PARD3B: variants seen among roughly 807,000 people sequenced by gnomAD.
The protein encoded by PARD3B is par-3 family cell polarity regulator beta, also known as partitioning defective 3 homolog B.
PARD3B carries 103 observed loss-of-function variants against 130.2 expected under a neutral mutation model. The observed-to-expected ratio is 0.79, with a 90% CI of 0.67 to 0.93. The LOEUF is 0.93. Among genes scored for constraint, PARD3B ranks in the 40% least tolerant of loss-of-function variants. PARD3B has a pLI of 0.00. For synonymous variants in PARD3B, 583 were observed against 553.2 expected (o/e 1.05, Z -0.76); for missense variants, 1,609 against 1,499.2 (o/e 1.07, Z -1.21).
At chr2:205,008,017 A>T (rs897548964) in intron 3 of PARD3B, among the ~76,000 whole-genome samples, 10 of 152,184 alleles carry the variant, frequency 6.6e-5, no homozygotes, top group Non-Finnish European at 1.3e-4. Context: ...ATAGCAGTAT[A>T]GCACTTTATT....
chr2:205,113,393 G>GTGTGT (rs1559450786), intron 5 of PARD3B, 98 bp from the exon 6 acceptor site: 103 of 571,676 alleles, frequency 1.8e-4, no homozygotes, highest in Middle Eastern at 7.0e-4. Context: ...CCTGAGCAGG[G>GTGTGT]GTGTGTGTGT....
rs115554228 is a variant in PARD3B at position 205,292,164 on chromosome 2, C to T, written c.2186-8366C>T. 8.3e-3 allele frequency among the ~76,000 whole-genome samples: 1,261 copies of T among 152,262 alleles called. 8 individuals carry two copies. The highest frequency in any genetic ancestry group is 0.013 in the Non-Finnish European group (895 of 68,010). On this transcript the variant is annotated intron_variant, in intron 16 of 22. Coordinates refer to ENST00000406610, the MANE Select transcript of PARD3B (RefSeq NM_001302769.2). The surrounding 1 kb of genome is among the most constrained non-coding windows in gnomAD (Gnocchi z 5.3). ...TCACAGAGGCTATCCCTCCCAAGGG[C>T]ACAGGCAGCAACTTTGGTGGCATCC... is the stretch of plus-strand genomic sequence containing the variant.
intron 1 of PARD3B, among the ~76,000 whole-genome samples, chr2:204,604,111 C>T (rs1016106046): frequency 6.6e-6 from 1 of 152,096 alleles, no homozygotes; most frequent in Admixed American, 6.6e-5. Flanking sequence ...TTACATTTGT[C>T]ATTAGTGACC....
intron 3 of PARD3B, among the ~76,000 whole-genome samples, chr2:205,007,381 C>T (rs937272033): frequency 5.3e-5 from 8 of 152,080 alleles, no homozygotes; most frequent in African/African-American, 1.7e-4. Flanking sequence ...TGAGAGATGG[C>T]GATCCAGATT....
At chr2:205,181,866 CAATG>C in intron 13 of PARD3B, among the ~76,000 whole-genome samples, 1 of 152,162 alleles carries the variant, frequency 6.6e-6, no homozygotes, top group East Asian at 1.9e-4. Context: ...CTCGTACACT[CAATG>C]AAATCCAGAA....
chr2:204,732,303 T>C (rs79664505), intron 2 of PARD3B, among the ~76,000 whole-genome samples: 2,726 of 152,176 alleles, frequency 0.018, 98 homozygotes, highest in East Asian at 0.14. Flanking sequence ...AGATTGGACC[T>C]GGAGGGAGTG....
intron 3 of PARD3B, among the ~76,000 whole-genome samples, chr2:205,003,478 C>G (rs770963984): frequency 6.6e-6 from 1 of 152,070 alleles, no homozygotes; most frequent in Non-Finnish European, 1.5e-5. Flanking sequence ...TAGGGCTTCC[C>G]CCTGATGGTG....
rs568719415 is a variant in PARD3B at position 204,758,501 on chromosome 2, A to G, written c.222+72219A>G. 2.3e-3 allele frequency among the ~76,000 whole-genome samples: 349 copies of G among 152,322 alleles called. 1 individual carries two copies. Among genetic ancestry groups the G allele is most frequent in the Middle Eastern group, 0.014 (4 of 294 alleles). On this transcript the variant is annotated intron_variant, in intron 2 of 22. Transcript: ENST00000406610. ...TGTCTATGAATGTGATAATCAGAAT[A>G]TTTTAAAGCAGTGGCTCTCAACTTC...
chr2:204,834,894 T>C (rs1263006468), intron 2 of PARD3B, among the ~76,000 whole-genome samples: 9 of 152,212 alleles, frequency 5.9e-5, no homozygotes, highest in African/African-American at 2.2e-4. Flanking sequence ...CTAAGTACCC[T>C]GTTGATTGCA....
At chr2:204,741,204 T>A (rs1339040318) in intron 2 of PARD3B, among the ~76,000 whole-genome samples, 1 of 152,146 alleles carries the variant, frequency 6.6e-6, no homozygotes, top group Non-Finnish European at 1.5e-5. Flanking sequence ...GCAGAAAACA[T>A]TACTGATATA....
chr2:205,353,399 G>A (rs2041877), intron 18 of PARD3B, among the ~76,000 whole-genome samples: 90,364 of 151,958 alleles, frequency 0.59, 30,552 homozygotes, highest in South Asian at 0.77. Context: ...TAATCCCTAT[G>A]TTGCACTCCT....
intron 1 of PARD3B, among the ~76,000 whole-genome samples, chr2:204,561,669 C>T (rs922589299): frequency 6.7e-6 from 1 of 150,294 alleles, no homozygotes; most frequent in Non-Finnish European, 1.5e-5. Flanking sequence ...GATCTTGGCT[C>T]ACTGCAACCT....
intron 1 of PARD3B, among the ~76,000 whole-genome samples, chr2:204,605,325 A>G (rs1479525159): frequency 2.6e-5 from 4 of 152,206 alleles, no homozygotes; most frequent in African/African-American, 9.6e-5. Flanking sequence ...TGCTATGACC[A>G]TGTCATAAAT....
At chr2:205,242,638 T>C (rs2039400060) in intron 15 of PARD3B, among the ~76,000 whole-genome samples, 1 of 152,168 alleles carries the variant, frequency 6.6e-6, no homozygotes, top group Non-Finnish European at 1.5e-5. Flanking sequence ...TTCTCAATTA[T>C]TTTCTCTCTT....
chr2:204,761,162 C>A (rs2040880918), intron 2 of PARD3B, among the ~76,000 whole-genome samples: 1 of 152,304 alleles, frequency 6.6e-6, no homozygotes, highest in Middle Eastern at 3.4e-3. Flanking sequence ...CCAATGTCCA[C>A]AATCATTGTA....
At chr2:204,578,831 A>G (rs2032400984) in intron 1 of PARD3B, among the ~76,000 whole-genome samples, 1 of 152,040 alleles carries the variant, frequency 6.6e-6, no homozygotes, top group African/African-American at 2.4e-5. Flanking sequence ...AAGTTTTGGG[A>G]TGTTTATTCC....
intron 1 of PARD3B, among the ~76,000 whole-genome samples, chr2:204,569,690 G>T (rs2031877377): frequency 6.6e-6 from 1 of 152,116 alleles, no homozygotes; most frequent in Admixed American, 6.5e-5. Flanking sequence ...CTTCCCTTTG[G>T]TTTCAACATT....
chr2:205,494,783 G>A (rs564108302), intron 20 of PARD3B, among the ~76,000 whole-genome samples: 10 of 152,272 alleles, frequency 6.6e-5, no homozygotes, highest in African/African-American at 1.9e-4. Flanking sequence ...TAGAAACAGC[G>A]CTGGTTGGGA....
chr2:205,061,206 G>T (rs754916026), intron 4 of PARD3B, among the ~76,000 whole-genome samples: 1 of 152,084 alleles, frequency 6.6e-6, no homozygotes, highest in Non-Finnish European at 1.5e-5. Context: ...AGGAAATTCA[G>T]CTTGGAGATT....
Sources: gnomAD v4.1 joint callset for allele counts (sites outside exome capture counted in the v4.1 genomes callset) on GRCh38, gnomAD v4.1.1 for gene constraint, Gnocchi (gnomAD v3.1) non-coding constraint, MANE v1.5 for transcripts, NCBI Gene and HGNC (gene_info 2026-07-23, HGNC 2026-07-21) for gene names.